The following DSCAM variants were observed in gnomAD, a reference collection of about 807,000 sequenced individuals.
DSCAM encodes the protein DS cell adhesion molecule.
A neutral mutation model predicts 217.7 loss-of-function variants in DSCAM; 47 were observed. The ratio of observed to expected loss-of-function variants is 0.22; its 90% CI spans 0.17 to 0.28. DSCAM has a LOEUF of 0.28. DSCAM is among the 10% of genes least tolerant of loss of function. DSCAM has a pLI of 1.00. For missense variants in DSCAM, 2,080 were observed against 2,618.3 expected (o/e 0.79, Z 4.49); for synonymous variants, 1,056 against 1,015.3 (o/e 1.04, Z -0.76).
chr21:40,269,740 A>T (rs1412679743), intron 11 of DSCAM, among the ~76,000 whole-genome samples: 1 of 152,078 alleles, frequency 6.6e-6, no homozygotes, highest in Non-Finnish European at 1.5e-5. Flanking sequence ...TTGCCCAGCT[A>T]TGTTTTCCAT....
At chr21:40,498,776 G>GGT (rs1273348278) in intron 3 of DSCAM, among the ~76,000 whole-genome samples, 18 of 21,354 alleles carry the variant, frequency 8.4e-4, no homozygotes, top group South Asian at 2.4e-3. Flanking sequence ...TATATATATG[G>GGT]GTGTGTATAT....
At chr21:40,337,986 A>G in intron 8 of DSCAM, 115 bp downstream of exon 8, 3 of 1,307,856 alleles carry the variant, frequency 2.3e-6, no homozygotes, top group Non-Finnish European at 3.2e-6. Flanking sequence ...TTCAGCCTGT[A>G]CAATTATCCT....
intron 20 of DSCAM, among the ~76,000 whole-genome samples, chr21:40,112,866 A>G (rs112754495): frequency 3.6e-4 from 55 of 152,248 alleles, no homozygotes; most frequent in East Asian, 2.9e-3. Context: ...ACTAAACCAG[A>G]AAGAAGTTGA....
At chr21:40,086,580 T>C (rs981101755) in intron 22 of DSCAM, among the ~76,000 whole-genome samples, 1 of 152,202 alleles carries the variant, frequency 6.6e-6, no homozygotes, top group Non-Finnish European at 1.5e-5. Flanking sequence ...CCTTAACTTA[T>C]ATCCTAATTT....
intron 8 of DSCAM, among the ~76,000 whole-genome samples, chr21:40,336,023 G>A (rs1055078304): frequency 7.2e-5 from 11 of 152,146 alleles, no homozygotes; most frequent in African/African-American, 2.4e-5. Context: ...GACGAAGCAG[G>A]AAACATAACA....
At chr21:40,484,189 C>T (rs545814021) in intron 3 of DSCAM, among the ~76,000 whole-genome samples, 1 of 152,250 alleles carries the variant, frequency 6.6e-6, no homozygotes, top group Non-Finnish European at 1.5e-5. Context: ...AGAGGCTTCC[C>T]GAATATTTCA....
intron 3 of DSCAM, among the ~76,000 whole-genome samples, chr21:40,470,263 T>C (rs570944512): frequency 1.3e-5 from 2 of 152,368 alleles, no homozygotes; most frequent in Admixed American, 1.3e-4. Flanking sequence ...CCAAGAGTGC[T>C]GTGAGCTCAT....
chr21:40,274,438 T>C (rs2073660084), intron 11 of DSCAM, among the ~76,000 whole-genome samples: 1 of 152,346 alleles, frequency 6.6e-6, no homozygotes, highest in East Asian at 1.9e-4. Context: ...TGGTTGATTG[T>C]ACTTGTATCC....
chr21:40,162,070 A>T (rs1349961388), intron 16 of DSCAM, among the ~76,000 whole-genome samples: 1 of 152,188 alleles, frequency 6.6e-6, no homozygotes, highest in African/African-American at 2.4e-5. Context: ...GGGAGTTAAT[A>T]TTTATTGAGC....
At chr21:40,119,945 G>C (rs545584574) in intron 20 of DSCAM, among the ~76,000 whole-genome samples, 2 of 151,946 alleles carry the variant, frequency 1.3e-5, no homozygotes, top group African/African-American at 4.8e-5. Flanking sequence ...TCTGGTTCTC[G>C]GAAGTCCCCT....
intron 20 of DSCAM, among the ~76,000 whole-genome samples, chr21:40,099,066 T>C (rs1481413007): frequency 6.6e-6 from 1 of 152,204 alleles, no homozygotes; most frequent in Non-Finnish European, 1.5e-5. Flanking sequence ...CTTAATGATG[T>C]GCAAATTCTA....
At chr21:40,035,707 T>C (rs560159086) in intron 32 of DSCAM, among the ~76,000 whole-genome samples, 3 of 150,972 alleles carry the variant, frequency 2.0e-5, no homozygotes, top group Non-Finnish European at 2.9e-5. Flanking sequence ...ATCAACAGAA[T>C]ACACATTTTT....
intron 1 of DSCAM, among the ~76,000 whole-genome samples, chr21:40,713,646 G>A (rs937694735): frequency 1.3e-5 from 2 of 152,184 alleles, no homozygotes; most frequent in Non-Finnish European, 2.9e-5. Flanking sequence ...ACTTCATTAG[G>A]AAGAACTGTT....
chr21:40,376,278 A>T (rs2074949599), intron 3 of DSCAM, among the ~76,000 whole-genome samples: 1 of 152,082 alleles, frequency 6.6e-6, no homozygotes, highest in Non-Finnish European at 1.5e-5. Context: ...CCGTTTCAAT[A>T]ACAGTTTCTG....
At chr21:40,400,122 G>A (rs2123773609) in intron 3 of DSCAM, among the ~76,000 whole-genome samples, 1 of 152,204 alleles carries the variant, frequency 6.6e-6, no homozygotes, top group Admixed American at 6.5e-5. Flanking sequence ...CGTGCAGCAG[G>A]TCTCAGGGCC....
At chr21:40,057,540 T>C (rs767191722) in intron 28 of DSCAM, among the ~76,000 whole-genome samples, 5 of 152,324 alleles carry the variant, frequency 3.3e-5, no homozygotes, top group South Asian at 2.1e-4. Context: ...TGAATAGTTA[T>C]GAGGCAGTCA....
chr21:40,219,094 A>G (rs1297854587), intron 11 of DSCAM, among the ~76,000 whole-genome samples: 1 of 152,150 alleles, frequency 6.6e-6, no homozygotes, highest in Admixed American at 6.5e-5. Flanking sequence ...CCCATTCCAT[A>G]TGATATTGGC....
intron 8 of DSCAM, among the ~76,000 whole-genome samples, chr21:40,320,553 A>G (rs940845766): frequency 6.6e-6 from 1 of 152,220 alleles, no homozygotes; most frequent in African/African-American, 2.4e-5. Flanking sequence ...GCTGTGGATA[A>G]AGACATATCC....
chr21:40,036,244 A>T (rs1032289163), intron 32 of DSCAM, among the ~76,000 whole-genome samples: 2 of 149,164 alleles, frequency 1.3e-5, no homozygotes, highest in Non-Finnish European at 2.9e-5. Flanking sequence ...TTTTGAAAGG[A>T]TCAACAAAAT....
Sources: gnomAD v4.1 joint callset for allele counts (sites outside exome capture counted in the v4.1 genomes callset) on GRCh38, gnomAD v4.1.1 for gene constraint, MANE v1.5 for transcripts, NCBI Gene and HGNC (gene_info 2026-07-23, HGNC 2026-07-21) for gene names.